Variants in PKHD1 observed in about 807,000 individuals in gnomAD.
The protein encoded by PKHD1 is fibrocystin.
PKHD1 carries 291 observed loss-of-function variants against 412.0 expected under a neutral mutation model. The observed-to-expected ratio is 0.71, with a 90% CI of 0.64 to 0.78. PKHD1 has a LOEUF of 0.78. Ranked by LOEUF, PKHD1 falls within the 30% of genes least tolerant of loss-of-function variation. The probability of loss-of-function intolerance (pLI) is 0.00; values close to 1 mark genes in which losing one functional copy is unlikely to be tolerated. For synonymous variants in PKHD1, 1,777 were observed against 1,821.5 expected, an observed-to-expected ratio of 0.98 and a Z score of 0.62; for missense variants, 4,825 against 4,950.7, an observed-to-expected ratio of 0.97 and a Z score of 0.76.
chr6:51,691,898 C>T (rs1778201667), intron 60 of PKHD1, among the ~76,000 whole-genome samples: 1 of 152,136 alleles, frequency 6.6e-6, no homozygotes, highest in Non-Finnish European at 1.5e-5. Context: ...CTAGAGATCA[C>T]CAAGCTACTA....
chr6:51,903,830 T>C (rs1781649339), intron 42 of PKHD1, 103 bp from the exon 43 acceptor site: 1 of 578,302 alleles, frequency 1.7e-6, no homozygotes, highest in Admixed American at 2.9e-5. Context: ...CATAATGCAT[T>C]TCATATATAT....
At chr6:51,854,899 G>A (rs1210442507) in intron 49 of PKHD1, among the ~76,000 whole-genome samples, 1 of 152,216 alleles carries the variant, frequency 6.6e-6, no homozygotes, top group South Asian at 2.1e-4. Flanking sequence ...CCTCTCCTGA[G>A]CTCCAAACTG....
intron 11 of PKHD1, among the ~76,000 whole-genome samples, chr6:52,066,515 T>C (rs369663654): frequency 1.3e-5 from 2 of 151,932 alleles, no homozygotes; most frequent in African/African-American, 4.8e-5. Flanking sequence ...TCACTGTCTT[T>C]AGGACCCTCC....
chr6:52,073,299 C>T (rs541981080), intron 7 of PKHD1, among the ~76,000 whole-genome samples, 164 bp downstream of exon 7: 1 of 152,278 alleles, frequency 6.6e-6, no homozygotes, highest in South Asian at 2.1e-4. Flanking sequence ...ATTACATTAA[C>T]AAAGTTTGCT....
chr6:52,061,990 T>A (rs1442929536), intron 14 of PKHD1, among the ~76,000 whole-genome samples: 1 of 152,162 alleles, frequency 6.6e-6, no homozygotes, highest in Non-Finnish European at 1.5e-5. Context: ...ACAGGAAAAT[T>A]AGAATCATGA....
chr6:51,763,998 G>T (rs1262545955), intron 55 of PKHD1, among the ~76,000 whole-genome samples: 1 of 143,654 alleles, frequency 7.0e-6, no homozygotes, highest in African/African-American at 2.6e-5. Flanking sequence ...TGTGCACATT[G>T]TGCAGGTTAG....
rs1470614726 is a variant in PKHD1 at position 52,054,280 on chromosome 6, G to A, written c.1837-115C>T. On this transcript the variant is annotated intron_variant, in intron 19 of 66. Transcript: ENST00000371117. Reference sequence around the variant, plus strand: ...CCTGCCATAGGCTCTGAGAGAGTCAGCACAGTTCCTGCCCTTCCAGAGCTT... The same window carrying A: ...CCTGCCATAGGCTCTGAGAGAGTCAACACAGTTCCTGCCCTTCCAGAGCTT... 4.2e-6 allele frequency: 4 copies of A among 949,810 alleles called. No individual in the cohort carries two copies. In the African/African-American group the frequency reaches 6.4e-5, roughly 15 times the overall value. The allele number at this position is 949,810 out of a possible 1,614,324, so 58.8% of individuals were successfully genotyped here.
intron 60 of PKHD1, among the ~76,000 whole-genome samples, chr6:51,741,941 C>T (rs548266053): frequency 6.6e-6 from 1 of 152,290 alleles, no homozygotes; most frequent in African/African-American, 2.4e-5. Flanking sequence ...AAGCTCAAGT[C>T]CAGAAAAGTC....
intron 60 of PKHD1, among the ~76,000 whole-genome samples, chr6:51,667,291 G>A (rs1397641048): frequency 6.6e-6 from 1 of 151,004 alleles, no homozygotes; most frequent in African/African-American, 2.4e-5. Flanking sequence ...TTCTCTAATG[G>A]CCAGTGATGG....
chr6:51,981,385 T>A (rs1795225670), intron 35 of PKHD1, among the ~76,000 whole-genome samples: 1 of 89,626 alleles, frequency 1.1e-5, no homozygotes, highest in Non-Finnish European at 2.1e-5. Context: ...ACGGTCTCCC[T>A]CTGATGCCGA....
chr6:52,012,772 G>A (rs1444410629), intron 34 of PKHD1, among the ~76,000 whole-genome samples: 7 of 152,114 alleles, frequency 4.6e-5, no homozygotes, highest in East Asian at 1.9e-4. Flanking sequence ...AAGGTCTCCC[G>A]CTATGTTTAT....
intron 37 of PKHD1, among the ~76,000 whole-genome samples, chr6:51,922,299 C>CT (rs1233679659): frequency 1.3e-5 from 2 of 152,186 alleles, no homozygotes; most frequent in Admixed American, 1.3e-4. Flanking sequence ...AATGTTGCTG[C>CT]CTGATCCTTC....
At chr6:51,652,546 AT>A (rs999328947) in intron 61 of PKHD1, among the ~76,000 whole-genome samples, 1 of 146,568 alleles carries the variant, frequency 6.8e-6, no homozygotes, top group Non-Finnish European at 1.5e-5. Context: ...TGTCCTGAGC[AT>A]TTTTTATCTC....
At chr6:51,742,781 T>A (rs1218823880) in intron 60 of PKHD1, among the ~76,000 whole-genome samples, 1 of 152,092 alleles carries the variant, frequency 6.6e-6, no homozygotes, top group Admixed American at 6.5e-5. Context: ...ATTTATAATA[T>A]AATGTTAAGT....
At position 51,649,105 on chromosome 6, in the gene PKHD1, A is replaced by T. The variant is rs752554296; in HGVS notation, c.11290T>A (p.Leu3764Met). 2 of 1,613,796 alleles carry T rather than the reference A, an allele frequency of 1.2e-6. No homozygotes were observed. The highest frequency in any genetic ancestry group is 1.7e-6 in the Non-Finnish European group (2 of 1,179,776). Reference protein sequence around the residue: ...VGNELPVQPQLVFLDEQNRRV... With the variant: ...VGNELPVQPQMVFLDEQNRRV... ...GTTACCTGCTCATCCAAAAATACCA[A>T]TTGTGGCTGCACTGGAAGCTCATTT... The change falls in exon 62 of 67, where the codon TTG becomes ATG. Residue 3764 changes from leucine to methionine, a missense_variant. Leu to Met is a conservative substitution (Grantham distance 15). Coordinates refer to ENST00000371117, the MANE Select transcript of PKHD1 (RefSeq NM_138694.4).
intron 35 of PKHD1, among the ~76,000 whole-genome samples, chr6:51,992,839 C>G (rs1291617369): frequency 6.6e-6 from 1 of 152,236 alleles, no homozygotes; most frequent in African/African-American, 2.4e-5. Flanking sequence ...TGTCTTCTTT[C>G]TGCTCCATTC....
intron 63 of PKHD1, among the ~76,000 whole-genome samples, chr6:51,641,537 TA>T (rs781221395): frequency 6.6e-6 from 1 of 152,170 alleles, no homozygotes; most frequent in Non-Finnish European, 1.5e-5. Context: ...GCAATCCCAT[TA>T]CTGGGTATAT....
intron 63 of PKHD1, among the ~76,000 whole-genome samples, chr6:51,646,564 C>A (rs1302001467): frequency 6.6e-6 from 1 of 152,084 alleles, no homozygotes; most frequent in Non-Finnish European, 1.5e-5. Flanking sequence ...TCAAAAGGGC[C>A]TACGTCTTAA....
At chr6:51,724,081 G>C (rs1036520094) in intron 60 of PKHD1, among the ~76,000 whole-genome samples, 1 of 152,098 alleles carries the variant, frequency 6.6e-6, no homozygotes, top group Non-Finnish European at 1.5e-5. Context: ...AACCACCAGA[G>C]AAGAGACTAA....
Sources: allele counts gnomAD v4.1 joint callset (sites outside exome capture counted in the v4.1 genomes callset), GRCh38; gene constraint gnomAD v4.1.1; transcripts MANE v1.5; gene names NCBI Gene and HGNC (gene_info 2026-07-23, HGNC 2026-07-21).